Variants in ATP9A observed in about 807,000 individuals in gnomAD.
The protein encoded by ATP9A is ATPase phospholipid transporting 9A, also known as probable phospholipid-transporting ATPase IIA.
ATP9A carries 52 observed loss-of-function variants against 144.1 expected under a neutral mutation model. The ratio of observed to expected loss-of-function variants is 0.36; its 90% CI spans 0.29 to 0.45. The LOEUF (loss-of-function observed/expected upper bound fraction) is 0.45, where lower values mean the gene tolerates loss of function less well. Ranked by LOEUF, ATP9A falls within the 20% of genes least tolerant of loss-of-function variation. The pLI is 1.00. For missense variants in ATP9A, 947 were observed against 1,392.7 expected (o/e 0.68, Z 5.09); for synonymous variants, 582 against 557.4 (o/e 1.04, Z -0.62).
intron 26 of ATP9A, among the ~76,000 whole-genome samples, chr20:51,606,997 C>A (rs1054501574): frequency 8.6e-5 from 13 of 150,308 alleles, no homozygotes; most frequent in Non-Finnish European, 1.8e-4. Flanking sequence ...GGATTCTGGG[C>A]ATGGTGGCTT....
At chr20:51,679,364 T>C (rs1211201347) in intron 9 of ATP9A, among the ~76,000 whole-genome samples, 2 of 152,148 alleles carry the variant, frequency 1.3e-5, no homozygotes, top group Admixed American at 1.3e-4. Flanking sequence ...TGGCTTTTCC[T>C]GGAAGTGTGG....
intron 14 of ATP9A, among the ~76,000 whole-genome samples, chr20:51,643,362 GTTTAA>G: frequency 6.6e-6 from 1 of 152,196 alleles, no homozygotes; most frequent in Non-Finnish European, 1.5e-5. Context: ...TTAGTTATTT[GTTTAA>G]TTTAATGGCT....
rs370941207 is a variant in ATP9A at position 51,645,506 on chromosome 20, AAAAC to A, written c.1507-6006_1507-6003del. Among the ~76,000 whole-genome samples the A allele has an allele frequency of 3.4e-3, 520 of 150,968 alleles. 1 individual carries two copies. Among genetic ancestry groups the A allele is most frequent in the Middle Eastern group, 6.8e-3 (2 of 292 alleles). On this transcript the variant is annotated intron_variant, in intron 14 of 27. Coordinates refer to ENST00000338821, the MANE Select transcript of ATP9A (RefSeq NM_006045.3). ...GGGCGACAGAGTGAGACTCCGTCTC[AAAAC>A]AAACAAACAAACAAACAAAAACAAA... is the stretch of plus-strand genomic sequence containing the variant.
At chr20:51,674,845 T>C (rs1306253483) in intron 10 of ATP9A, among the ~76,000 whole-genome samples, 2 of 152,142 alleles carry the variant, frequency 1.3e-5, no homozygotes, top group Admixed American at 6.6e-5. Flanking sequence ...TATTTAGAGA[T>C]GGAGTCTCGC....
chr20:51,679,077 A>G (rs1312914501), intron 9 of ATP9A, among the ~76,000 whole-genome samples: 1 of 150,298 alleles, frequency 6.7e-6, no homozygotes, highest in Non-Finnish European at 1.5e-5. Flanking sequence ...TAATCCCATC[A>G]CTTTGGGAGG....
chr20:51,734,911 C>A, intron 1 of ATP9A: 1 of 215,540 alleles, frequency 4.6e-6, no homozygotes, highest in South Asian at 8.0e-5. Context: ...ATTGCCCACT[C>A]CAAACTTGGG....
In ATP9A at chr20:51,651,284, TATATTATATAATATATATTTACATA is replaced by T. The variant is rs1301211314; in HGVS notation, c.1506+5629_1506+5653del. Among the ~76,000 whole-genome samples the T allele has an allele frequency of 6.2e-3, 836 of 134,632 alleles. 60 individuals carry two copies. Among genetic ancestry groups the T allele is most frequent in the Middle Eastern group, 7.2e-3 (2 of 276 alleles). The allele number at this position is 134,632 out of a possible 152,430, so 88.3% of individuals were successfully genotyped here. A position where few individuals can be genotyped will look rare whatever the true frequency, so the allele number is the denominator to read the frequency against. ...TATTATATAATATATATTTACATAA[TATATTATATAATATATATTTACATA>T]ATATATTATATAATATATATTTACA... On this transcript the variant is annotated intron_variant, in intron 14 of 27. Transcript: ENST00000338821.
In ATP9A at chr20:51,596,687, TAAAG is replaced by T. The variant is rs1356195882; in HGVS notation, c.*4520_*4523del. 3.3e-5 allele frequency: 5 copies of T among 151,930 alleles called. No individual in the cohort carries two copies. Among genetic ancestry groups the T allele is most frequent in the Non-Finnish European group, 5.9e-5 (4 of 67,962 alleles). The allele number at this position is 151,930 out of a possible 1,614,324, so 9.4% of individuals were successfully genotyped here. Reference sequence around the variant, plus strand: ...TCTTTACATTTCATGTACCATGAAATAAAGAAAAAATAGGAGCGTTATAATAAAA... The same window carrying T: ...TCTTTACATTTCATGTACCATGAAATAAAAAATAGGAGCGTTATAATAAAA... On this transcript the variant is annotated 3_prime_UTR_variant, in exon 28 of 28. Transcript: ENST00000338821.
intron 15 of ATP9A, among the ~76,000 whole-genome samples, chr20:51,633,330 T>C (rs1017918871): frequency 2.0e-5 from 3 of 152,184 alleles, no homozygotes; most frequent in African/African-American, 7.2e-5. Context: ...TTAGGAAGCC[T>C]TCTATGGAGT....
intron 27 of ATP9A, among the ~76,000 whole-genome samples, chr20:51,604,274 G>A (rs573421611): frequency 4.6e-5 from 7 of 152,272 alleles, no homozygotes; most frequent in African/African-American, 9.6e-5. Context: ...CCTGGCACAC[G>A]GCAGGTGCTC....
chr20:51,704,147 C>T (rs1468611066), intron 4 of ATP9A, among the ~76,000 whole-genome samples: 1 of 149,170 alleles, frequency 6.7e-6, no homozygotes, highest in African/African-American at 2.5e-5. Context: ...TAATCACTAC[C>T]ACTTCCTGGG....
rs2077575333 is a variant in ATP9A at position 51,697,449 on chromosome 20, A to G, written c.470T>C (p.Val157Ala). Residue 157 changes from valine to alanine, a missense_variant, in exon 5 of 28, where the codon GTT becomes GCT. This residue lies in a region of ATP9A where 770 missense variants were observed against 1,047.9 expected (regional missense o/e 0.73). Transcript: ENST00000338821. ...CTTTTCAACGATGATAAGGTCTCCA[A>G]CTTGGATGTTAGAACTCTTCACCTT... ...TVKVKSSNIQ[V>A]GDLIIVEKNQ... 6.2e-7 allele frequency: 1 copy of G among 1,613,552 alleles called. No homozygotes were observed. Among genetic ancestry groups the G allele is most frequent in the Admixed American group, 1.7e-5 (1 of 59,940 alleles).
At chr20:51,677,834 CAATCTAG>C (rs2077483674) in intron 9 of ATP9A, among the ~76,000 whole-genome samples, 1 of 152,072 alleles carries the variant, frequency 6.6e-6, no homozygotes, top group Non-Finnish European at 1.5e-5. Context: ...GGAAAATGCT[CAATCTAG>C]TAAATAATCA....
chr20:51,681,418 C>A (rs1285654648), intron 9 of ATP9A, among the ~76,000 whole-genome samples: 1 of 138,294 alleles, frequency 7.2e-6, no homozygotes, highest in Non-Finnish European at 1.5e-5. Flanking sequence ...TATAGCCCAT[C>A]CTAAATTTCT....
intron 4 of ATP9A, among the ~76,000 whole-genome samples, chr20:51,704,751 G>T (rs1193188863): frequency 6.6e-6 from 1 of 152,160 alleles, no homozygotes; most frequent in Non-Finnish European, 1.5e-5. Flanking sequence ...TCGCACTCTA[G>T]CCTGGGCAAC....
At chr20:51,665,746 C>T (rs761379) in intron 13 of ATP9A, among the ~76,000 whole-genome samples, 73,853 of 150,896 alleles carry the variant, frequency 0.49, 18,851 homozygotes, top group East Asian at 0.79. Context: ...AAAAAAGTAC[C>T]AGTAAATGAA....
At chr20:51,664,056 T>C (rs2426363) in intron 13 of ATP9A, among the ~76,000 whole-genome samples, 74,252 of 151,712 alleles carry the variant, frequency 0.49, 18,911 homozygotes, top group East Asian at 0.8. Context: ...TGCTCTGTCA[T>C]CCAGGCTGGG....
intron 1 of ATP9A, among the ~76,000 whole-genome samples, chr20:51,733,518 C>T (rs1163442564): frequency 1.3e-5 from 2 of 152,078 alleles, no homozygotes; most frequent in African/African-American, 4.8e-5. Flanking sequence ...GGATTACAGG[C>T]GTGCGCCACC....
chr20:51,699,333 CAAAAAAAAAA>C (rs74175569), intron 4 of ATP9A, among the ~76,000 whole-genome samples: 1 of 70,460 alleles, frequency 1.4e-5, no homozygotes, highest in Non-Finnish European at 2.7e-5. Context: ...AACTCAATCT[CAAAAAAAAAA>C]AAAAAAAAAA....
Sources: gnomAD v4.1 joint callset for allele counts (sites outside exome capture counted in the v4.1 genomes callset) on GRCh38, gnomAD v4.1.1 for gene constraint, gnomAD v4.1.1 regional missense constraint, MANE v1.5 for transcripts, NCBI Gene and HGNC (gene_info 2026-07-23, HGNC 2026-07-21) for gene names.